LINGO2: variants seen among roughly 807,000 people sequenced by gnomAD.
LINGO2 encodes leucine-rich repeat and immunoglobulin-like domain-containing nogo receptor-interacting protein 2.
LINGO2 carries 14 observed loss-of-function variants against 30.6 expected under a neutral mutation model. That is an observed-to-expected ratio of 0.46 (90% confidence interval 0.30 to 0.72). The LOEUF (loss-of-function observed/expected upper bound fraction) is 0.72. Ranked by LOEUF, LINGO2 falls within the 30% of genes least tolerant of loss-of-function variation. The pLI, the probability that LINGO2 is intolerant of heterozygous loss-of-function variation, is 0.07. For missense variants in LINGO2, 729 were observed against 751.7 expected, an observed-to-expected ratio of 0.97 and a Z score of 0.35; for synonymous variants, 317 against 288.5, an observed-to-expected ratio of 1.10 and a Z score of -1.00.
the LINGO2 span, among the ~76,000 whole-genome samples, chr9:28,802,086 T>C: frequency 1.6e-3 from 237 of 152,012 alleles, 1 homozygote; most frequent in African/African-American, 5.4e-3. Context: ...TGAATGTTTA[T>C]ATGAATATTT....
the LINGO2 span, among the ~76,000 whole-genome samples, chr9:29,041,388 A>G: frequency 6.6e-6 from 1 of 152,052 alleles, no homozygotes; most frequent in African/African-American, 2.4e-5. Flanking sequence ...TATTTTGAAA[A>G]AGAAGAATAA....
intron 4 of LINGO2, among the ~76,000 whole-genome samples, chr9:28,263,845 T>C (rs1434132063): frequency 6.6e-6 from 1 of 151,972 alleles, no homozygotes; most frequent in East Asian, 1.9e-4. Context: ...AAAGGAGTAA[T>C]TCAAATTCAA....
intron 1 of LINGO2, among the ~76,000 whole-genome samples, chr9:28,644,971 T>C (rs1827771045): frequency 6.6e-6 from 1 of 152,010 alleles, no homozygotes; most frequent in Admixed American, 6.6e-5. Flanking sequence ...AATTTAAAAA[T>C]CCCAGATGAT....
chr9:28,867,941 A>C, the LINGO2 span, among the ~76,000 whole-genome samples: 6 of 152,298 alleles, frequency 3.9e-5, no homozygotes, highest in South Asian at 6.2e-4. Context: ...TCTTTTACCC[A>C]AAAATAATAA....
chr9:28,840,691 C>T, the LINGO2 span, among the ~76,000 whole-genome samples: 4 of 151,892 alleles, frequency 2.6e-5, no homozygotes, highest in Admixed American at 6.5e-5. Context: ...TTAATTAATG[C>T]TTATTTGAAA....
the LINGO2 span, among the ~76,000 whole-genome samples, chr9:29,177,673 G>A: frequency 6.6e-6 from 1 of 152,204 alleles, no homozygotes; most frequent in Non-Finnish European, 1.5e-5. Flanking sequence ...TAATCATGAT[G>A]TTGATTCTTC....
chr9:28,836,634 T>C, the LINGO2 span, among the ~76,000 whole-genome samples: 1 of 151,696 alleles, frequency 6.6e-6, no homozygotes, highest in Non-Finnish European at 1.5e-5. Context: ...ATTTTTAATT[T>C]TTTAAAATTT....
intron 4 of LINGO2, among the ~76,000 whole-genome samples, chr9:28,234,021 T>C (rs1178322491): frequency 6.6e-6 from 1 of 152,252 alleles, no homozygotes; most frequent in East Asian, 1.9e-4. Flanking sequence ...ATGGTGGCTA[T>C]AGTGAAAGAC....
chr9:28,120,035 G>C (rs1439669130), intron 4 of LINGO2, among the ~76,000 whole-genome samples: 1 of 152,146 alleles, frequency 6.6e-6, no homozygotes, highest in Non-Finnish European at 1.5e-5. Context: ...AAAGCTATGA[G>C]CTATACTTAA....
chr9:27,972,387 T>C lies in LINGO2; in HGVS notation c.-35-21681A>G, dbSNP rs942056176. Among the ~76,000 whole-genome samples, 5 of 152,220 alleles carry C rather than the reference T, an allele frequency of 3.3e-5. No individual in the cohort carries two copies. In the South Asian group the frequency reaches 8.3e-4, roughly 25 times the overall value. Reference sequence around the variant, plus strand: ...CCTGGGATATAAGAAAGCTAGACTTTCTGCAAGTTTATTTAACAAGGGAGA... The same window carrying C: ...CCTGGGATATAAGAAAGCTAGACTTCCTGCAAGTTTATTTAACAAGGGAGA... On this transcript the variant is annotated intron_variant, in intron 5 of 5. Coordinates refer to ENST00000379992, the Ensembl canonical transcript of LINGO2.
chr9:28,148,255 G>A lies in LINGO2; in HGVS notation c.-86-135850C>T, dbSNP rs1401075261. ...CTCGGAACATGGGCACCCCACAGAG[G>A]GTCCTGTCTCCTGTGGTCTGGAGCC... On this transcript the variant is annotated intron_variant, in intron 4 of 5. Coordinates refer to ENST00000379992, the Ensembl canonical transcript of LINGO2. The surrounding 1 kb of genome is among the most constrained non-coding windows in gnomAD (Gnocchi z 5.1). The A allele has an allele frequency of 1.2e-5, 9 of 741,680 alleles. No individual in the cohort carries two copies. In the Admixed American group the frequency reaches 1.4e-4, roughly 12 times the overall value. The allele number at this position is 741,680 out of a possible 1,614,324, so 45.9% of individuals were successfully genotyped here. A position where few individuals can be genotyped will look rare whatever the true frequency, so the allele number is the denominator to read the frequency against.
the LINGO2 span, among the ~76,000 whole-genome samples, chr9:28,873,346 C>T: frequency 6.8e-6 from 1 of 147,334 alleles, no homozygotes; most frequent in Non-Finnish European, 1.5e-5. Context: ...CCATTGCACT[C>T]TCTAGCCTGG....
chr9:28,612,611 A>G (rs938050778), intron 1 of LINGO2, among the ~76,000 whole-genome samples: 1 of 152,080 alleles, frequency 6.6e-6, no homozygotes, highest in Non-Finnish European at 1.5e-5. Flanking sequence ...AGCTTCTACC[A>G]TTTGGAATGG....
chr9:29,113,154 T>C, the LINGO2 span, among the ~76,000 whole-genome samples: 6 of 152,318 alleles, frequency 3.9e-5, no homozygotes, highest in African/African-American at 1.4e-4. Flanking sequence ...TTTCAATTTT[T>C]TGCCTTAAAA....
intron 5 of LINGO2, among the ~76,000 whole-genome samples, chr9:27,960,070 G>T (rs1047559507): frequency 5.3e-5 from 8 of 151,788 alleles, no homozygotes; most frequent in Admixed American, 2.6e-4. Flanking sequence ...TATATTGGGG[G>T]TTATTTCATT....
At chr9:28,186,173 C>T (rs1469573405) in intron 4 of LINGO2, among the ~76,000 whole-genome samples, 1 of 152,148 alleles carries the variant, frequency 6.6e-6, no homozygotes, top group Non-Finnish European at 1.5e-5. Context: ...TTGACATTAA[C>T]CTCATCCTAT....
chr9:29,082,321 A>G, the LINGO2 span, among the ~76,000 whole-genome samples: 5 of 152,098 alleles, frequency 3.3e-5, no homozygotes, highest in Non-Finnish European at 2.9e-5. Context: ...CAAACACAAG[A>G]AATGGGGAAA....
At chr9:28,719,035 A>G in the LINGO2 span, among the ~76,000 whole-genome samples, 1,429 of 152,080 alleles carry the variant, frequency 9.4e-3, 23 homozygotes, top group African/African-American at 0.033. Context: ...CCTTCTTCAC[A>G]GCAAACAACT....
intron 1 of LINGO2, among the ~76,000 whole-genome samples, chr9:28,578,197 T>C (rs1182466652): frequency 6.6e-6 from 1 of 152,118 alleles, no homozygotes; most frequent in Non-Finnish European, 1.5e-5. Flanking sequence ...CTAAGGGTTT[T>C]AAACCACATT....
Sources: allele counts gnomAD v4.1 joint callset (sites outside exome capture counted in the v4.1 genomes callset), GRCh38; gene constraint gnomAD v4.1.1; non-coding constraint Gnocchi (gnomAD v3.1); transcripts MANE v1.5; gene names NCBI Gene and HGNC (gene_info 2026-07-23, HGNC 2026-07-21).